SUGCT: variants seen among roughly 807,000 people sequenced by gnomAD.
SUGCT encodes succinyl-CoA:glutarate CoA-transferase.
SUGCT carries 41 observed loss-of-function variants against 55.0 expected under a neutral mutation model. The ratio of observed to expected loss-of-function variants is 0.74; its 90% CI spans 0.58 to 0.97. The LOEUF (loss-of-function observed/expected upper bound fraction) is 0.97, where lower values mean the gene tolerates loss of function less well. Ranked by LOEUF, SUGCT falls within the 50% of genes least tolerant of loss-of-function variation. SUGCT has a pLI of 0.00. For synonymous variants in SUGCT, 187 were observed against 200.4 expected, an observed-to-expected ratio of 0.93 and a Z score of 0.56; for missense variants, 568 against 547.8, an observed-to-expected ratio of 1.04 and a Z score of -0.37.
At chr7:40,744,089 ATT>A (rs34967774) in intron 12 of SUGCT, among the ~76,000 whole-genome samples, 55 of 137,432 alleles carry the variant, frequency 4.0e-4, no homozygotes, top group African/African-American at 6.7e-4. Context: ...ACCTGGCTAA[ATT>A]TTTTTTTTTT....
intron 12 of SUGCT, among the ~76,000 whole-genome samples, chr7:40,530,693 A>T (rs1278002801): frequency 6.6e-6 from 1 of 152,224 alleles, no homozygotes; most frequent in Non-Finnish European, 1.5e-5. Flanking sequence ...CTGAAACTTA[A>T]ATGACACAAA....
At chr7:41,014,019 A>G in the SUGCT span, among the ~76,000 whole-genome samples, 1 of 152,184 alleles carries the variant, frequency 6.6e-6, no homozygotes, top group Non-Finnish European at 1.5e-5. Context: ...CAGTGAGTCT[A>G]TTATGGCTTC....
At chr7:40,296,311 G>A (rs1272359575) in intron 8 of SUGCT, among the ~76,000 whole-genome samples, 1 of 152,162 alleles carries the variant, frequency 6.6e-6, no homozygotes, top group African/African-American at 2.4e-5. Flanking sequence ...TTGCAGAAGA[G>A]GATGAACACG....
chr7:40,207,752 G>A (rs1230224773), intron 6 of SUGCT, among the ~76,000 whole-genome samples: 3 of 151,786 alleles, frequency 2.0e-5, no homozygotes, highest in Non-Finnish European at 4.4e-5. Flanking sequence ...CAGAGGCAGA[G>A]ACTGCAGTGA....
chr7:40,729,384 G>A (rs533610574), intron 12 of SUGCT, among the ~76,000 whole-genome samples: 3 of 152,342 alleles, frequency 2.0e-5, no homozygotes, highest in South Asian at 4.1e-4. Context: ...AATGTGTGTA[G>A]CATTAGAAGA....
At chr7:41,036,910 C>G in the SUGCT span, among the ~76,000 whole-genome samples, 1 of 152,212 alleles carries the variant, frequency 6.6e-6, no homozygotes, top group African/African-American at 2.4e-5. Context: ...CAAAGCCAGT[C>G]TGCTGCAATC....
intron 12 of SUGCT, among the ~76,000 whole-genome samples, chr7:40,667,668 A>C (rs905717735): frequency 5.9e-5 from 9 of 151,422 alleles, no homozygotes; most frequent in Admixed American, 1.3e-4. Flanking sequence ...TTCCTGGTTC[A>C]ATCTTGGGAG....
intron 12 of SUGCT, among the ~76,000 whole-genome samples, chr7:40,548,804 C>T (rs1795148030): frequency 6.6e-6 from 1 of 152,186 alleles, no homozygotes; most frequent in African/African-American, 2.4e-5. Context: ...AAAATAGTTT[C>T]ATTCCCCTAA....
At chr7:40,180,851 A>G in intron 1 of SUGCT, 96 bp from the exon 2 acceptor site, 2 of 907,408 alleles carry the variant, frequency 2.2e-6, no homozygotes, top group Admixed American at 3.8e-5. Flanking sequence ...GAATCACTGT[A>G]GTCCTTGTGA....
At chr7:40,315,168 T>G (rs1193776180) in intron 8 of SUGCT, among the ~76,000 whole-genome samples, 1 of 152,180 alleles carries the variant, frequency 6.6e-6, no homozygotes, top group African/African-American at 2.4e-5. Flanking sequence ...TTATAGAGAA[T>G]GTATCAGAAG....
At chr7:40,360,355 C>A (rs979110788) in intron 9 of SUGCT, among the ~76,000 whole-genome samples, 2 of 152,080 alleles carry the variant, frequency 1.3e-5, no homozygotes, top group Non-Finnish European at 2.9e-5. Flanking sequence ...TCTATTCTAC[C>A]TTTGTTTGAA....
At chr7:40,441,070 A>G (rs1185811663) in intron 9 of SUGCT, among the ~76,000 whole-genome samples, 1 of 152,110 alleles carries the variant, frequency 6.6e-6, no homozygotes, top group Non-Finnish European at 1.5e-5. Flanking sequence ...ATTAGAATGT[A>G]TGTCTCATTT....
At chr7:40,547,728 G>A (rs1795069733) in intron 12 of SUGCT, among the ~76,000 whole-genome samples, 1 of 152,030 alleles carries the variant, frequency 6.6e-6, no homozygotes, top group African/African-American at 2.4e-5. Flanking sequence ...TTAAAATTTT[G>A]TGTATGTGTA....
At chr7:40,569,295 C>A (rs1365840788) in intron 12 of SUGCT, among the ~76,000 whole-genome samples, 1 of 152,154 alleles carries the variant, frequency 6.6e-6, no homozygotes, top group Non-Finnish European at 1.5e-5. Context: ...AACCCTTGGC[C>A]AAGGCACTGC....
chr7:40,299,282 C>G (rs1425357256), intron 8 of SUGCT, among the ~76,000 whole-genome samples: 1 of 152,198 alleles, frequency 6.6e-6, no homozygotes, highest in Non-Finnish European at 1.5e-5. Context: ...AGCCCACATC[C>G]TGTCTGAGGA....
chr7:40,489,416 C>T (rs577738049), intron 11 of SUGCT, among the ~76,000 whole-genome samples: 1 of 152,152 alleles, frequency 6.6e-6, no homozygotes, highest in African/African-American at 2.4e-5. Flanking sequence ...CGTGGTGGCT[C>T]ACGCCTTTAA....
At chr7:40,704,884 G>A (rs894428756) in intron 12 of SUGCT, among the ~76,000 whole-genome samples, 24 of 152,176 alleles carry the variant, frequency 1.6e-4, no homozygotes, top group South Asian at 1.2e-3. Context: ...TCTCAAAGCC[G>A]TGTAGCTATG....
the SUGCT span, chr7:40,965,705 A>T: frequency 6.6e-6 from 1 of 152,240 alleles, no homozygotes; most frequent in African/African-American, 2.4e-5. Flanking sequence ...TGGTAATTCT[A>T]CCTCTGAAAG....
At chr7:40,391,777 T>TTAC (rs1785445520) in intron 9 of SUGCT, among the ~76,000 whole-genome samples, 2 of 152,164 alleles carry the variant, frequency 1.3e-5, no homozygotes, top group African/African-American at 4.8e-5. Flanking sequence ...AGCCATCCCA[T>TTAC]TACTGGTCAT....
Sources: gnomAD v4.1 joint callset for allele counts (sites outside exome capture counted in the v4.1 genomes callset) on GRCh38, gnomAD v4.1.1 for gene constraint, MANE v1.5 for transcripts, NCBI Gene and HGNC (gene_info 2026-07-23, HGNC 2026-07-21) for gene names.